MLLT10: variants seen among roughly 807,000 people sequenced by gnomAD.
The protein encoded by MLLT10 is protein AF-10.
Under a neutral mutation model 129.1 loss-of-function variants are expected in MLLT10, and 30 were observed. That is an observed-to-expected ratio of 0.23 (90% CI 0.17 to 0.32). The LOEUF (loss-of-function observed/expected upper bound fraction) is 0.32, where lower values mean the gene tolerates loss of function less well. Ranked by LOEUF, MLLT10 falls within the 10% of genes least tolerant of loss-of-function variation. The pLI, the probability that MLLT10 is intolerant of heterozygous loss-of-function variation, is 1.00. For synonymous variants in MLLT10, 490 were observed against 446.4 expected (o/e 1.10, Z -1.23); for missense variants, 1,119 against 1,268.3 (o/e 0.88, Z 1.79).
At chr10:21,642,686 T>C (rs925697032) in intron 8 of MLLT10, among the ~76,000 whole-genome samples, 17 of 151,750 alleles carry the variant, frequency 1.1e-4, no homozygotes, top group Non-Finnish European at 8.8e-5. Flanking sequence ...AAGAAAAATT[T>C]AACTTCTATT....
intron 13 of MLLT10, among the ~76,000 whole-genome samples, chr10:21,692,584 A>G (rs767146762): frequency 1.3e-5 from 2 of 151,954 alleles, no homozygotes; most frequent in African/African-American, 2.4e-5. Flanking sequence ...GGCTCAAGCA[A>G]TCCTCCTGCC....
chr10:21,567,435 G>A (rs1470427357), intron 3 of MLLT10, among the ~76,000 whole-genome samples: 1 of 152,066 alleles, frequency 6.6e-6, no homozygotes, highest in African/African-American at 2.4e-5. Flanking sequence ...CTCTCTACTA[G>A]GTCTTCTCTG....
At position 21,733,912 on chromosome 10, in the gene MLLT10, G is replaced by A. The variant is rs2058146926; in HGVS notation, c.2641G>A (p.Gly881Arg). The change falls in exon 20 of 23, where the codon GGA becomes AGA. Residue 881 changes from glycine (G) to arginine (R), a missense_variant. By Grantham distance (125) the Gly-to-Arg change is moderately radical. This residue lies in a region of MLLT10 where 1,004 missense variants were observed against 1,008.7 expected (regional missense o/e 1.00). Coordinates refer to ENST00000307729, the MANE Select transcript of MLLT10 (RefSeq NM_001195626.3). ...CGTGACAGTGGGGGCACTAGCTAGT[G>A]GAATGCAGCCTGTAACTTCCACCAT... The part of the protein sequence containing the change: ...NGVTVGALAS[G>R]MQPVTSTIPA... The A allele has an allele frequency of 1.2e-6, 2 of 1,614,160 alleles. No homozygotes were observed. Among genetic ancestry groups the A allele is most frequent in the African/African-American group, 1.3e-5 (1 of 75,040 alleles).
intron 5 of MLLT10, among the ~76,000 whole-genome samples, chr10:21,604,536 C>CA (rs2043868546): frequency 6.6e-6 from 1 of 152,038 alleles, no homozygotes; most frequent in Admixed American, 6.5e-5. Flanking sequence ...TTGCAGTGAG[C>CA]CGAGACTGTG....
intron 13 of MLLT10, among the ~76,000 whole-genome samples, chr10:21,709,318 A>G (rs1035837205): frequency 3.3e-5 from 5 of 150,986 alleles, no homozygotes; most frequent in African/African-American, 7.3e-5. Context: ...GCTTATTGCA[A>G]CCTCCGCCTC....
chr10:21,621,003 G>T (rs1191554635), intron 8 of MLLT10, among the ~76,000 whole-genome samples: 1 of 150,256 alleles, frequency 6.7e-6, no homozygotes, highest in African/African-American at 2.4e-5. Context: ...TTTTTTTCCT[G>T]AGACGGAGTC....
At chr10:21,571,290 A>AGG (rs2040175247) in intron 3 of MLLT10, among the ~76,000 whole-genome samples, 1 of 152,192 alleles carries the variant, frequency 6.6e-6, no homozygotes, top group Non-Finnish European at 1.5e-5. Flanking sequence ...CAAAAGTTCT[A>AGG]GGGTGAGCCT....
At chr10:21,668,490 T>C (rs532530897) in intron 9 of MLLT10, among the ~76,000 whole-genome samples, 1 of 152,294 alleles carries the variant, frequency 6.6e-6, no homozygotes, top group African/African-American at 2.4e-5. Flanking sequence ...TGTCATTATG[T>C]GTAATTTAAA....
chr10:21,588,074 C>T lies in MLLT10; in HGVS notation c.295+1726C>T, dbSNP rs562438249. ...TGAGACTTTGCTTTTCTTTTTTCTT[C>T]GATTTTCTTTTTTTTGAAGCTTCGC... On this transcript the variant is annotated intron_variant, in intron 4 of 22. Coordinates refer to ENST00000307729, the MANE Select transcript of MLLT10 (RefSeq NM_001195626.3). Among the ~76,000 whole-genome samples the T allele has an allele frequency of 2.0e-5, 3 of 151,754 alleles. No individual in the cohort carries two copies. The East Asian group carries it at 5.8e-4, about 29-fold the overall frequency.
intron 3 of MLLT10, among the ~76,000 whole-genome samples, chr10:21,540,758 G>A (rs2035006779): frequency 6.6e-6 from 1 of 152,116 alleles, no homozygotes; most frequent in South Asian, 2.1e-4. Context: ...TTCCCTTGGT[G>A]TTGATTATGG....
At chr10:21,658,746 C>A (rs1020265789) in intron 9 of MLLT10, among the ~76,000 whole-genome samples, 1 of 152,098 alleles carries the variant, frequency 6.6e-6, no homozygotes, top group African/African-American at 2.4e-5. Flanking sequence ...CTCACTGCAG[C>A]CTCTGCCTCT....
At chr10:21,688,485 CT>C in intron 13 of MLLT10, 1 of 1,609,804 alleles carries the variant, frequency 6.2e-7, no homozygotes, top group South Asian at 1.1e-5. Context: ...TGTGTCTTTT[CT>C]TTAGACAGAG....
chr10:21,698,580 A>G, intron 13 of MLLT10, among the ~76,000 whole-genome samples: 1 of 152,200 alleles, frequency 6.6e-6, no homozygotes, highest in Non-Finnish European at 1.5e-5. Flanking sequence ...ACTTTGGTTT[A>G]AATACCTGAT....
intron 9 of MLLT10, among the ~76,000 whole-genome samples, chr10:21,658,936 G>T (rs1037549698): frequency 6.6e-6 from 1 of 152,092 alleles, no homozygotes; most frequent in East Asian, 1.9e-4. Context: ...AAAGTGCTGG[G>T]ATTACAGGCA....
chr10:21,640,743 A>G (rs2047922096), intron 8 of MLLT10, among the ~76,000 whole-genome samples: 1 of 152,218 alleles, frequency 6.6e-6, no homozygotes, highest in African/African-American at 2.4e-5. Context: ...GCCATTGCCT[A>G]ACTCAAAAGA....
Position 21,595,381 on chromosome 10 carries a change from A to G in MLLT10, c.346A>G (p.Asn116Asp). 6.2e-7 allele frequency: 1 copy of G among 1,613,834 alleles called. No individual in the cohort carries two copies. Among genetic ancestry groups the G allele is most frequent in the Non-Finnish European group, 8.5e-7 (1 of 1,179,834 alleles). Reference sequence around the variant, plus strand: ...GTATATTCCAGAGGTACAATTTGCCAATGTTTCCACAATGGAACCAATTGT... The same window carrying G: ...GTATATTCCAGAGGTACAATTTGCCGATGTTTCCACAATGGAACCAATTGT... ...ALYIPEVQFA[N>D]VSTMEPIVLQ... The change falls in exon 5 of 23, where the codon AAT becomes GAT. Residue 116 changes from asparagine to aspartate, a missense_variant. Physicochemically the swap from Asn to Asp is conservative, Grantham distance 23. Around this residue, in one of 5 missense-constraint regions of MLLT10, gnomAD observed 44 missense variants for 114.3 expected, o/e 0.38. Coordinates refer to ENST00000307729, the MANE Select transcript of MLLT10 (RefSeq NM_001195626.3).
chr10:21,542,261 G>A (rs919138709), intron 3 of MLLT10, among the ~76,000 whole-genome samples: 3 of 152,102 alleles, frequency 2.0e-5, no homozygotes, highest in Non-Finnish European at 4.4e-5. Flanking sequence ...GTGTGAATAA[G>A]GTAGTTAACT....
chr10:21,713,988 G>T, intron 14 of MLLT10, 38 bp downstream of exon 14: 1 of 1,533,640 alleles, frequency 6.5e-7, no homozygotes, highest in Non-Finnish European at 8.8e-7. Context: ...GTAATAGGTG[G>T]GTTTCTCATT....
Position 21,733,524 on chromosome 10 carries a change from A to T in MLLT10, c.2428A>T (p.Asn810Tyr), listed in dbSNP as rs766943587. The T allele has an allele frequency of 6.4e-7, 1 of 1,561,024 alleles. No individual in the cohort carries two copies. Among genetic ancestry groups the T allele is most frequent in the South Asian group, 1.2e-5 (1 of 81,726 alleles). ...AQTAPTTDSL[N>Y]SSKSPHIGNS... ...TCTAGCTCCTACTACTGATTCCTTG[A>T]ACAGCAGTAAGAGCCCTCATATAGG... The change falls in exon 19 of 23, where the codon AAC becomes TAC. Residue 810 changes from asparagine (N) to tyrosine (Y), a missense_variant. Physicochemically the swap from Asn to Tyr is moderately radical, Grantham distance 143. Around this residue, in one of 5 missense-constraint regions of MLLT10, gnomAD observed 1,004 missense variants for 1,008.7 expected, o/e 1.00. Transcript: ENST00000307729.
Sources: gnomAD v4.1 joint callset for allele counts (sites outside exome capture counted in the v4.1 genomes callset) on GRCh38, gnomAD v4.1.1 for gene constraint, gnomAD v4.1.1 regional missense constraint, MANE v1.5 for transcripts, NCBI Gene and HGNC (gene_info 2026-07-23, HGNC 2026-07-21) for gene names.